The following GNPTAB variants were observed in gnomAD, a reference collection of about 807,000 sequenced individuals.
GNPTAB encodes N-acetylglucosamine-1-phosphate transferase subunits alpha and beta, also known as N-acetylglucosamine-1-phosphotransferase subunits alpha/beta.
In GNPTAB, 92 loss-of-function variants were observed where a neutral mutation model predicts 136.6. The observed-to-expected ratio is 0.67, with a 90% CI of 0.57 to 0.80. The LOEUF is 0.80. Ranked by LOEUF, GNPTAB falls within the 30% of genes least tolerant of loss-of-function variation. GNPTAB has a pLI of 0.00. For synonymous variants in GNPTAB, 512 were observed against 535.1 expected (o/e 0.96, Z 0.60); for missense variants, 1,343 against 1,501.8 (o/e 0.89, Z 1.75).
chr12:101,764,860 GT>G lies in GNPTAB; in HGVS notation c.2056del (p.Thr686GlnfsTer8). The G allele has an allele frequency of 6.2e-7, 1 of 1,614,148 alleles. No homozygotes were observed. The highest frequency in any genetic ancestry group is 8.5e-7 in the Non-Finnish European group (1 of 1,180,018). On this transcript the variant is annotated frameshift_variant, in exon 13 of 21. Transcript: ENST00000299314. LOFTEE classifies it high-confidence loss of function. The stretch of plus-strand genomic sequence containing the variant: ...TTTCACCTCTTCCTGGGCTCTCCTT[GT>G]TGAGTTAACATCATGTCTCTTAAAC... ...PKFKRHDVNS[T>X]RRAQEEVKIP... is the part of the protein sequence containing the mutation.
At chr12:101,826,759 C>T (rs986621132) in intron 1 of GNPTAB, among the ~76,000 whole-genome samples, 1 of 152,000 alleles carries the variant, frequency 6.6e-6, no homozygotes, top group Non-Finnish European at 1.5e-5. Context: ...ACAGTAGCAA[C>T]TAACAGAGAA....
chr12:101,810,863 T>C (rs1006049784), intron 1 of GNPTAB, among the ~76,000 whole-genome samples: 1 of 152,186 alleles, frequency 6.6e-6, no homozygotes, highest in Non-Finnish European at 1.5e-5. Flanking sequence ...CAAGAAAGCC[T>C]GTCACCAGAT....
At chr12:101,774,262 C>T (rs1953226608) in intron 7 of GNPTAB, among the ~76,000 whole-genome samples, 1 of 151,786 alleles carries the variant, frequency 6.6e-6, no homozygotes, top group Non-Finnish European at 1.5e-5. Context: ...TTGTAGAACC[C>T]AAGAAAAAAA....
In GNPTAB at chr12:101,765,290, A is replaced by G; in HGVS notation, c.1627T>C (p.Leu543=). The change falls in exon 13 of 21, where the codon TTG becomes CTG. Residue 543 remains leucine (L), a synonymous_variant. Transcript: ENST00000299314. The part of the protein sequence containing the change: ...GDCGQDHFHE[L]YKVILLPNQT... ...TTTGGGAGAAGGATCACTTTATACAATTCATGAAAATGATCTAGAGGAAAA... is the reference window on the plus strand; with the variant it reads ...TTTGGGAGAAGGATCACTTTATACAGTTCATGAAAATGATCTAGAGGAAAA... 3.7e-6 allele frequency: 6 copies of G among 1,607,244 alleles called. No homozygotes were observed. Among genetic ancestry groups the G allele is most frequent in the Non-Finnish European group, 5.1e-6 (6 of 1,174,024 alleles).
At chr12:101,787,178 C>T (rs1289560413) in intron 4 of GNPTAB, among the ~76,000 whole-genome samples, 2 of 152,280 alleles carry the variant, frequency 1.3e-5, no homozygotes, top group Non-Finnish European at 1.5e-5. Context: ...CAAACCCACA[C>T]ACAGAAAATG....
At chr12:101,789,855 G>C (rs1220557198) in intron 3 of GNPTAB, 83 bp downstream of exon 3, 1 of 1,288,878 alleles carries the variant, frequency 7.8e-7, no homozygotes, top group Non-Finnish European at 1.1e-6. Flanking sequence ...GGGTTTTCAT[G>C]CTCATATGTG....
intron 5 of GNPTAB, 114 bp from the exon 6 acceptor site, chr12:101,780,735 C>A: frequency 1.3e-6 from 1 of 769,150 alleles, no homozygotes; most frequent in South Asian, 1.5e-5. Flanking sequence ...AATATATGGT[C>A]CAAAAAAAGG....
intron 19 of GNPTAB, among the ~76,000 whole-genome samples, chr12:101,751,443 A>T (rs548721888): frequency 1.3e-5 from 2 of 152,302 alleles, no homozygotes; most frequent in East Asian, 3.9e-4. Context: ...TCATCTTAGT[A>T]TTCCTAGCAC....
intron 2 of GNPTAB, among the ~76,000 whole-genome samples, chr12:101,793,497 G>A (rs930928168): frequency 6.6e-6 from 1 of 151,944 alleles, no homozygotes; most frequent in African/African-American, 2.4e-5. Context: ...TTTAACTTTG[G>A]CAAAACTGAC....
intron 7 of GNPTAB, among the ~76,000 whole-genome samples, chr12:101,774,338 G>C (rs934536279): frequency 6.6e-6 from 1 of 152,138 alleles, no homozygotes; most frequent in Admixed American, 6.5e-5. Flanking sequence ...AAAATTAAGG[G>C]ACAAGAAACA....
chr12:101,820,211 A>T (rs1182657382), intron 1 of GNPTAB, among the ~76,000 whole-genome samples: 1 of 152,250 alleles, frequency 6.6e-6, no homozygotes, highest in South Asian at 2.1e-4. Flanking sequence ...TTTGATGCTT[A>T]TAAGTATTCA....
intron 18 of GNPTAB, among the ~76,000 whole-genome samples, chr12:101,753,759 G>A (rs1952857879): frequency 6.6e-6 from 1 of 152,140 alleles, no homozygotes. Flanking sequence ...TTTAGCTATG[G>A]GAGTAAATTA....
chr12:101,771,817 C>T (rs1953180934), intron 7 of GNPTAB, among the ~76,000 whole-genome samples: 2 of 152,180 alleles, frequency 1.3e-5, no homozygotes, highest in Non-Finnish European at 2.9e-5. Context: ...TGATTTTTGA[C>T]TTCTTTGCAA....
At chr12:101,784,658 G>A (rs1439181287) in intron 5 of GNPTAB, among the ~76,000 whole-genome samples, 2 of 148,226 alleles carry the variant, frequency 1.3e-5, no homozygotes, top group African/African-American at 5.2e-5. Flanking sequence ...AATAAGTAAG[G>A]TAAGAACCTA....
At chr12:101,769,328 A>G (rs1443693636) in intron 10 of GNPTAB, among the ~76,000 whole-genome samples, 1 of 152,166 alleles carries the variant, frequency 6.6e-6, no homozygotes, top group Non-Finnish European at 1.5e-5. Context: ...ACCTTAAATG[A>G]AATTACATCT....
intron 7 of GNPTAB, among the ~76,000 whole-genome samples, chr12:101,772,140 CT>C (rs2137126356): frequency 6.6e-6 from 1 of 152,328 alleles, no homozygotes; most frequent in Admixed American, 6.5e-5. Context: ...GTCCACACCA[CT>C]CTTTATCTGT....
At chr12:101,758,835 T>G (rs1952943600) in intron 16 of GNPTAB, among the ~76,000 whole-genome samples, 1 of 152,204 alleles carries the variant, frequency 6.6e-6, no homozygotes, top group South Asian at 2.1e-4. Flanking sequence ...AAGATCGTAA[T>G]TTTTTAAAAA....
chr12:101,769,891 A>C (rs1953145104), intron 10 of GNPTAB, 130 bp downstream of exon 10: 1 of 971,302 alleles, frequency 1.0e-6, no homozygotes, highest in Admixed American at 1.7e-5. Context: ...TCCGCCTCCC[A>C]AAGTACTGGG....
intron 2 of GNPTAB, among the ~76,000 whole-genome samples, chr12:101,792,891 A>G (rs1316999508): frequency 1.3e-5 from 2 of 152,138 alleles, no homozygotes; most frequent in African/African-American, 4.8e-5. Context: ...AGGTTTCCCT[A>G]TCTAGGGTTT....
Sources: allele counts gnomAD v4.1 joint callset (sites outside exome capture counted in the v4.1 genomes callset), GRCh38; gene constraint gnomAD v4.1.1; transcripts MANE v1.5; gene names NCBI Gene and HGNC (gene_info 2026-07-23, HGNC 2026-07-21).